Variants in UGT2A2 observed in about 807,000 individuals in gnomAD.
UGT2A2 encodes UDP-glucuronosyltransferase 2A2.
Under a neutral mutation model 50.7 loss-of-function variants are expected in UGT2A2, and 60 were observed. The observed-to-expected ratio is 1.18, with a 90% CI of 0.96 to 1.47. The LOEUF is 1.47. Among genes scored for constraint, UGT2A2 ranks in the 40% most tolerant of loss-of-function variants. The pLI, the probability that UGT2A2 is intolerant of heterozygous loss-of-function variation, is 0.00. For missense variants in UGT2A2, 762 were observed against 634.0 expected, an observed-to-expected ratio of 1.20 and a Z score of -2.17; for synonymous variants, 242 against 214.6, an observed-to-expected ratio of 1.13 and a Z score of -1.11.
chr4:69,630,487 A>G (rs931827802), intron 1 of UGT2A2, among the ~76,000 whole-genome samples: 1 of 152,096 alleles, frequency 6.6e-6, no homozygotes, highest in Non-Finnish European at 1.5e-5. Context: ...AACCACCTTC[A>G]TTTGAATTTT....
chr4:69,600,087 G>A (rs141950837), intron 1 of UGT2A2, among the ~76,000 whole-genome samples: 209 of 152,264 alleles, frequency 1.4e-3, no homozygotes, highest in African/African-American at 4.9e-3. Context: ...GAAAAAAGTG[G>A]TGGGCAGCAG....
chr4:69,621,722 T>C lies in UGT2A2; in HGVS notation c.742+17177A>G, dbSNP rs372718242. 2.0e-4 allele frequency among the ~76,000 whole-genome samples: 31 copies of C among 152,058 alleles called. No individual in the cohort carries two copies. The East Asian group carries it at 4.5e-3, about 22-fold the overall frequency. ...CATGTGAATGTTCATTTCAGCATGATTCACAATAGCAAAAACATGAAGTCA... is the reference window on the plus strand; with the variant it reads ...CATGTGAATGTTCATTTCAGCATGACTCACAATAGCAAAAACATGAAGTCA... On this transcript the variant is annotated intron_variant, in intron 1 of 5. Transcript: ENST00000604629.
intron 1 of UGT2A2, 167 bp from the exon 2 acceptor site, chr4:69,599,561 G>T: frequency 2.0e-6 from 2 of 1,022,416 alleles, no homozygotes; most frequent in Non-Finnish European, 1.3e-6. Flanking sequence ...AATTAAAGAG[G>T]ATGGAAGAAA....
chr4:69,607,352 A>C (rs1179468635), intron 1 of UGT2A2, among the ~76,000 whole-genome samples: 1 of 151,544 alleles, frequency 6.6e-6, no homozygotes, highest in Non-Finnish European at 1.5e-5. Context: ...GTGCTGGGAA[A>C]ACTGGCTAGC....
chr4:69,612,306 T>C (rs1364291428), intron 1 of UGT2A2, among the ~76,000 whole-genome samples: 8 of 152,086 alleles, frequency 5.3e-5, no homozygotes, highest in Non-Finnish European at 8.8e-5. Flanking sequence ...AAAATCAGTA[T>C]CGTTAAAATG....
chr4:69,589,750 A>G, intron 5 of UGT2A2, 99 bp from the exon 6 acceptor site: 1 of 1,471,302 alleles, frequency 6.8e-7, no homozygotes, highest in Non-Finnish European at 9.1e-7. Flanking sequence ...GTTTAAGGCC[A>G]TAGTTACGTG....
intron 1 of UGT2A2, chr4:69,635,849 A>AAAAAAAAAAAAAAAAAAAAAAGAG (rs772370302): frequency 8.4e-6 from 1 of 118,514 alleles, no homozygotes; most frequent in African/African-American, 4.0e-5. Context: ...AAAAAAAAAA[A>AAAAAAAAAAAAAAAAAAAAAAGAG]AGAGAGAGAG....
chr4:69,605,975 G>T (rs1213658999), intron 1 of UGT2A2, among the ~76,000 whole-genome samples: 1 of 136,696 alleles, frequency 7.3e-6, no homozygotes, highest in Admixed American at 7.2e-5. Flanking sequence ...TGGATTCACA[G>T]CTGAATTCTA....
At chr4:69,634,889 A>G (rs1721589321) in intron 1 of UGT2A2, among the ~76,000 whole-genome samples, 1 of 152,076 alleles carries the variant, frequency 6.6e-6, no homozygotes, top group Admixed American at 6.5e-5. Flanking sequence ...TTTTTATCTT[A>G]TATTGTGCTG....
chr4:69,630,856 C>T (rs1243715402), intron 1 of UGT2A2, among the ~76,000 whole-genome samples: 1 of 151,896 alleles, frequency 6.6e-6, no homozygotes, highest in African/African-American at 2.4e-5. Flanking sequence ...CACAAATATA[C>T]TATATATCAA....
At chr4:69,624,659 G>T (rs1243444183) in intron 1 of UGT2A2, among the ~76,000 whole-genome samples, 2 of 150,656 alleles carry the variant, frequency 1.3e-5, no homozygotes, top group Non-Finnish European at 3.0e-5. Context: ...TGTAAAATTT[G>T]CAATTAGTAT....
At chr4:69,602,572 AG>A (rs1719359772) in intron 1 of UGT2A2, among the ~76,000 whole-genome samples, 1 of 137,618 alleles carries the variant, frequency 7.3e-6, no homozygotes, top group South Asian at 2.4e-4. Flanking sequence ...GAGGAAGAGA[AG>A]TTTTAATTTT....
chr4:69,591,585 G>GT (rs931193504), intron 5 of UGT2A2, among the ~76,000 whole-genome samples: 1 of 152,026 alleles, frequency 6.6e-6, no homozygotes, highest in Non-Finnish European at 1.5e-5. Flanking sequence ...TGCCAGAGAG[G>GT]TATACTAAGG....
At chr4:69,634,700 T>C (rs1295370683) in intron 1 of UGT2A2, among the ~76,000 whole-genome samples, 1 of 152,176 alleles carries the variant, frequency 6.6e-6, no homozygotes, top group Non-Finnish European at 1.5e-5. Context: ...GAAAAACATT[T>C]GATAAAATTC....
rs1353227349 is a variant in UGT2A2 at position 69,639,169 on chromosome 4, C to CT, written c.471dup (p.Ala158SerfsTer9). Reference sequence around the variant, plus strand: ...TCACCACAGATTGTTACTGGGTCTGCTACCAACACATCAAAACCACCTTTC... The same window carrying CT: ...TCACCACAGATTGTTACTGGGTCTGCTTACCAACACATCAAAACCACCTTTC... On this transcript the variant is annotated frameshift_variant, in exon 1 of 6. Coordinates refer to ENST00000604629, the MANE Select transcript of UGT2A2 (RefSeq NM_001105677.2). LOFTEE classifies it high-confidence loss of function. 6.2e-7 allele frequency: 1 copy of CT among 1,613,688 alleles called. No individual in the cohort carries two copies. Among genetic ancestry groups the CT allele is most frequent in the Non-Finnish European group, 8.5e-7 (1 of 1,179,752 alleles).
chr4:69,627,027 T>C (rs1372840375), intron 1 of UGT2A2, among the ~76,000 whole-genome samples: 2 of 151,886 alleles, frequency 1.3e-5, no homozygotes, highest in African/African-American at 2.4e-5. Flanking sequence ...TATTAGATAA[T>C]GGCATATAAA....
Position 69,639,177 on chromosome 4 carries a change from A to T in UGT2A2, c.464T>A (p.Val155Glu), listed in dbSNP as rs775626659. Residue 155 changes from valine to glutamate, a missense_variant, in exon 1 of 6, where the codon GTG becomes GAG. By Grantham distance (121) the Val-to-Glu change is moderately radical. Coordinates refer to ENST00000604629, the MANE Select transcript of UGT2A2 (RefSeq NM_001105677.2). ...MARLQKGGFD[V>E]LVADPVTICG... ...GATTGTTACTGGGTCTGCTACCAAC[A>T]CATCAAAACCACCTTTCTGAAGTCT... is the stretch of plus-strand genomic sequence containing the variant. The T allele has an allele frequency of 6.2e-7, 1 of 1,613,700 alleles. No homozygotes were observed. The highest frequency in any genetic ancestry group is 8.5e-7 in the Non-Finnish European group (1 of 1,179,764).
intron 1 of UGT2A2, among the ~76,000 whole-genome samples, chr4:69,600,999 A>G (rs1252086700): frequency 6.6e-6 from 1 of 152,096 alleles, no homozygotes; most frequent in Non-Finnish European, 1.5e-5. Context: ...AAACCATCTC[A>G]GTGGGGAAGG....
chr4:69,597,277 T>C (rs890726091), intron 2 of UGT2A2, among the ~76,000 whole-genome samples: 2 of 152,194 alleles, frequency 1.3e-5, no homozygotes, highest in Non-Finnish European at 2.9e-5. Flanking sequence ...ATGATGCGTA[T>C]GAGACAGTGC....
Sources: gnomAD v4.1 joint callset for allele counts (sites outside exome capture counted in the v4.1 genomes callset) on GRCh38, gnomAD v4.1.1 for gene constraint, MANE v1.5 for transcripts, NCBI Gene and HGNC (gene_info 2026-07-23, HGNC 2026-07-21) for gene names.